THADA: variants seen among roughly 807,000 people sequenced by gnomAD.
The protein encoded by THADA is THADA armadillo repeat containing, also known as tRNA (32-2'-O)-methyltransferase regulator THADA.
A neutral mutation model predicts 219.8 loss-of-function variants in THADA; 213 were observed. The ratio of observed to expected loss-of-function variants is 0.97; its 90% CI spans 0.87 to 1.09. The LOEUF (loss-of-function observed/expected upper bound fraction) is 1.09, where lower values mean the gene tolerates loss of function less well. Among genes scored for constraint, THADA ranks in the 50% least tolerant of loss-of-function variants. The pLI, the probability that THADA is intolerant of heterozygous loss-of-function variation, is 0.00. For missense variants in THADA, 2,956 were observed against 2,311.3 expected (o/e 1.28, Z -5.72); for synonymous variants, 1,018 against 828.9 (o/e 1.23, Z -3.92).
chr2:43,554,925 C>T (rs918652722), intron 17 of THADA, among the ~76,000 whole-genome samples: 2 of 151,946 alleles, frequency 1.3e-5, no homozygotes, highest in Non-Finnish European at 2.9e-5. Context: ...CTTTGAACAC[C>T]CCAAATGTGA....
chr2:43,445,999 C>T (rs1681485395), intron 26 of THADA, among the ~76,000 whole-genome samples: 1 of 152,150 alleles, frequency 6.6e-6, no homozygotes, highest in Admixed American at 6.5e-5. Flanking sequence ...AAGTCACTGG[C>T]CCAAAGGTGG....
At chr2:43,232,672 C>T in intron 37 of THADA, 41 bp downstream of exon 37, 2 of 1,607,780 alleles carry the variant, frequency 1.2e-6, no homozygotes, top group Non-Finnish European at 8.5e-7. Context: ...GTTTAGGACA[C>T]TCCAACCCTG....
At chr2:43,428,268 T>C (rs1254455692) in intron 27 of THADA, 37 bp from the exon 28 acceptor site, 1 of 1,547,462 alleles carries the variant, frequency 6.5e-7, no homozygotes, top group Non-Finnish European at 8.8e-7. Flanking sequence ...AGATTTCACA[T>C]TTAGGTAGTG....
intron 36 of THADA, among the ~76,000 whole-genome samples, chr2:43,237,307 A>AT (rs1450868152): frequency 6.6e-6 from 1 of 152,100 alleles, no homozygotes; most frequent in African/African-American, 2.4e-5. Flanking sequence ...CTGCGAAAGA[A>AT]TGACGTTGGA....
intron 29 of THADA, among the ~76,000 whole-genome samples, chr2:43,348,201 G>C (rs142149538): frequency 6.6e-6 from 1 of 152,252 alleles, no homozygotes; most frequent in African/African-American, 2.4e-5. Context: ...ATTAGATCTG[G>C]CTATAGCGGC....
rs555703887 is a variant in THADA at position 43,509,289 on chromosome 2, A to T, written c.3375-509T>A. On this transcript the variant is annotated intron_variant, in intron 22 of 37. Transcript: ENST00000405975. ...ATCCTCTGGAGAATTAAAGCAATTT[A>T]TCTGGGAAGAGGCATAAACATTTTG... Among the ~76,000 whole-genome samples, 3 of 152,360 alleles carry T rather than the reference A, an allele frequency of 2.0e-5. No homozygotes were observed. The South Asian group carries it at 6.2e-4, about 32-fold the overall frequency.
intron 28 of THADA, among the ~76,000 whole-genome samples, chr2:43,410,008 T>C (rs1413053227): frequency 2.8e-5 from 4 of 144,592 alleles, no homozygotes; most frequent in Admixed American, 7.0e-5. Flanking sequence ...CAGATCAAGA[T>C]CTCATCTCTT....
intron 29 of THADA, 124 bp downstream of exon 29, chr2:43,397,847 A>C (rs1026937709): frequency 9.9e-7 from 1 of 1,009,838 alleles, no homozygotes; most frequent in African/African-American, 1.6e-5. Context: ...GAAGTAGAAA[A>C]AAAAAAGTTC....
At chr2:43,304,678 T>A (rs1572992185) in intron 31 of THADA, among the ~76,000 whole-genome samples, 1 of 151,656 alleles carries the variant, frequency 6.6e-6, no homozygotes, top group South Asian at 2.1e-4. Flanking sequence ...ACTTCATTTT[T>A]TTTTTTTTTT....
chr2:43,568,471 A>G (rs1698932447), intron 14 of THADA, among the ~76,000 whole-genome samples: 1 of 152,216 alleles, frequency 6.6e-6, no homozygotes, highest in African/African-American at 2.4e-5. Context: ...ACCAGTAGGG[A>G]AAAAGTACCA....
intron 29 of THADA, among the ~76,000 whole-genome samples, chr2:43,374,218 A>C (rs1249768314): frequency 6.6e-6 from 1 of 152,270 alleles, no homozygotes; most frequent in East Asian, 1.9e-4. Context: ...GGGAAAGCCC[A>C]AGAGAATCAA....
intron 26 of THADA, among the ~76,000 whole-genome samples, chr2:43,470,560 T>A (rs1010136472): frequency 6.6e-6 from 1 of 152,114 alleles, no homozygotes; most frequent in African/African-American, 2.4e-5. Context: ...TACAAAACTG[T>A]GTGTATATAA....
intron 36 of THADA, among the ~76,000 whole-genome samples, chr2:43,258,266 TA>T (rs1670546385): frequency 6.6e-6 from 1 of 152,200 alleles, no homozygotes; most frequent in East Asian, 1.9e-4. Context: ...CTCATGCCTG[TA>T]ATCCCAGCAC....
intron 29 of THADA, among the ~76,000 whole-genome samples, chr2:43,367,291 T>G (rs1670270316): frequency 6.6e-6 from 1 of 152,192 alleles, no homozygotes; most frequent in African/African-American, 2.4e-5. Context: ...ATTACTAAAC[T>G]GTGCACTTAA....
chr2:43,450,524 T>G (rs927039096), intron 26 of THADA, among the ~76,000 whole-genome samples: 1 of 151,648 alleles, frequency 6.6e-6, no homozygotes, highest in African/African-American at 2.4e-5. Flanking sequence ...AAGGAAATGA[T>G]GAGGAAATTA....
intron 31 of THADA, among the ~76,000 whole-genome samples, chr2:43,311,901 C>T (rs1573018349): frequency 6.6e-6 from 1 of 152,158 alleles, no homozygotes; most frequent in African/African-American, 2.4e-5. Flanking sequence ...ACAGAGAACA[C>T]TGAAACCACA....
intron 22 of THADA, among the ~76,000 whole-genome samples, chr2:43,523,464 G>C (rs904370289): frequency 6.6e-6 from 1 of 152,056 alleles, no homozygotes; most frequent in African/African-American, 2.4e-5. Flanking sequence ...ATTACATTCT[G>C]CATTTATTTA....
intron 28 of THADA, among the ~76,000 whole-genome samples, chr2:43,409,969 A>G (rs546198071): frequency 6.5e-4 from 99 of 152,000 alleles, no homozygotes; most frequent in African/African-American, 2.3e-3. Flanking sequence ...GTGAGCTGTG[A>G]CTGTGCCACT....
At chr2:43,258,645 T>G (rs1413805100) in intron 36 of THADA, among the ~76,000 whole-genome samples, 1 of 152,244 alleles carries the variant, frequency 6.6e-6, no homozygotes, top group Non-Finnish European at 1.5e-5. Context: ...AGAGACCAAA[T>G]CATTCTTTGG....
Sources: gnomAD v4.1 joint callset for allele counts (sites outside exome capture counted in the v4.1 genomes callset) on GRCh38, gnomAD v4.1.1 for gene constraint, MANE v1.5 for transcripts, NCBI Gene and HGNC (gene_info 2026-07-23, HGNC 2026-07-21) for gene names.